The following FAT3 variants were observed in gnomAD, a reference collection of about 807,000 sequenced individuals.
FAT3 encodes protocadherin Fat 3.
In FAT3, 95 loss-of-function variants were observed where a neutral mutation model predicts 310.2. That is an observed-to-expected ratio of 0.31 (90% CI 0.26 to 0.36). The LOEUF is 0.36. Among genes scored for constraint, FAT3 ranks in the 10% least tolerant of loss-of-function variants. The pLI is 1.00. For missense variants in FAT3, 5,408 were observed against 5,715.6 expected (o/e 0.95, Z 1.74); for synonymous variants, 2,314 against 2,192.9 (o/e 1.06, Z -1.54).
In FAT3 at chr11:92,795,740, G is replaced by A. The variant is rs781754598; in HGVS notation, c.4823-2096G>A. 6.6e-5 allele frequency among the ~76,000 whole-genome samples: 10 copies of A among 151,924 alleles called. No individual in the cohort carries two copies. In the East Asian group the frequency reaches 9.7e-4, roughly 15 times the overall value. On this transcript the variant is annotated intron_variant, in intron 9 of 27. Transcript: ENST00000525166. ...AGCCTGACCAACGTGGCAAAACCCC[G>A]TCTCTACAAACATGAAAATTAGCCA...
At position 92,844,648 on chromosome 11, in the gene FAT3, T is replaced by C; in HGVS notation, c.11281T>C (p.Ser3761Pro). Reference sequence around the variant, plus strand: ...TTGTGAGCAAGGCTTGTCACTCGATTCCCACGCGCTCATGACCTACAGCAC... The same window carrying C: ...TTGTGAGCAAGGCTTGTCACTCGATCCCCACGCGCTCATGACCTACAGCAC... ...QHCEQGLSLD[S>P]HALMTYSTAR... Residue 3761 changes from serine (S) to proline (P), a missense_variant, in exon 19 of 28, where the codon TCC (serine) becomes CCC (proline). By Grantham distance (74) the Ser-to-Pro change is moderately conservative. Transcript: ENST00000525166. 4 of 1,609,734 alleles carry C rather than the reference T, an allele frequency of 2.5e-6. No individual in the cohort carries two copies. Among genetic ancestry groups the C allele is most frequent in the Non-Finnish European group, 3.4e-6 (4 of 1,177,858 alleles).
In FAT3 at chr11:92,778,566, C is replaced by T. The variant is rs1946653203; in HGVS notation, c.4335+4386C>T. ...AAAACAGTTTGAGTTCCTAAGAGGT[C>T]CTTGAAGCCCATGAACTTGTTAATA... On this transcript the variant is annotated intron_variant, in intron 7 of 27. Coordinates refer to ENST00000525166, the MANE Select transcript of FAT3 (RefSeq NM_001367949.2). 2.0e-5 allele frequency among the ~76,000 whole-genome samples: 3 copies of T among 152,130 alleles called. No homozygotes were observed. The South Asian group carries it at 6.2e-4, about 32-fold the overall frequency.
At chr11:92,581,184 C>T (rs548938863) in intron 3 of FAT3, among the ~76,000 whole-genome samples, 31 of 152,130 alleles carry the variant, frequency 2.0e-4, no homozygotes, top group South Asian at 6.2e-4. Flanking sequence ...ACTAGGGTTA[C>T]AGAGCTTTGC....
chr11:92,759,653 G>T (rs1161457854), intron 4 of FAT3, among the ~76,000 whole-genome samples: 1 of 152,100 alleles, frequency 6.6e-6, no homozygotes, highest in Non-Finnish European at 1.5e-5. Flanking sequence ...CCCGCTATGC[G>T]TAGCACTCCT....
At chr11:92,753,798 G>GTGTGTGTGTGTGTGTATATATATATA in intron 4 of FAT3, among the ~76,000 whole-genome samples, 1 of 119,116 alleles carries the variant, frequency 8.4e-6, no homozygotes, top group African/African-American at 3.9e-5. Flanking sequence ...GTGTGTGTGT[G>GTGTGTGTGTGTGTGTATATATATATA]TATATATATA....
chr11:92,526,818 A>G (rs1591403255), intron 3 of FAT3, among the ~76,000 whole-genome samples: 1 of 152,268 alleles, frequency 6.6e-6, no homozygotes, highest in Admixed American at 6.5e-5. Context: ...CAGGAATGAC[A>G]TTTTTGTCCA....
At chr11:92,613,212 C>T (rs917804629) in intron 3 of FAT3, among the ~76,000 whole-genome samples, 3 of 152,048 alleles carry the variant, frequency 2.0e-5, no homozygotes, top group African/African-American at 7.2e-5. Context: ...CTCCTTTGGT[C>T]GAGAAGACTT....
chr11:92,861,506 A>G (rs568270347), intron 21 of FAT3, among the ~76,000 whole-genome samples: 10 of 152,352 alleles, frequency 6.6e-5, no homozygotes, highest in African/African-American at 2.2e-4. Context: ...AAAGTTGTGT[A>G]AATTGAATCT....
chr11:92,641,753 A>G (rs1027831822), intron 3 of FAT3, among the ~76,000 whole-genome samples: 1 of 152,274 alleles, frequency 6.6e-6, no homozygotes, highest in Non-Finnish European at 1.5e-5. Flanking sequence ...TCCAAGGGCT[A>G]GAATAGATAT....
chr11:92,235,703 C>T (rs1008758190), intron 1 of FAT3, among the ~76,000 whole-genome samples: 3 of 152,282 alleles, frequency 2.0e-5, no homozygotes, highest in Admixed American at 2.0e-4. Flanking sequence ...AGATATATTA[C>T]TTCTGAGGTC....
intron 3 of FAT3, among the ~76,000 whole-genome samples, chr11:92,622,013 G>C (rs554735): frequency 0.56 from 85,297 of 151,968 alleles, 25,361 homozygotes; most frequent in African/African-American, 0.76. Flanking sequence ...TAAGTAGGTA[G>C]TCCATTGTAG....
intron 3 of FAT3, among the ~76,000 whole-genome samples, chr11:92,548,997 T>G (rs1954711191): frequency 6.6e-6 from 1 of 152,164 alleles, no homozygotes; most frequent in Non-Finnish European, 1.5e-5. Context: ...GTCAATTGAT[T>G]AAAAGCAGAA....
intron 22 of FAT3, among the ~76,000 whole-genome samples, chr11:92,875,594 T>A (rs1949512585): frequency 6.6e-6 from 1 of 152,058 alleles, no homozygotes; most frequent in South Asian, 2.1e-4. Flanking sequence ...AAGCCCTGAT[T>A]TGTAGCATTT....
intron 2 of FAT3, among the ~76,000 whole-genome samples, chr11:92,471,491 G>T (rs1313681432): frequency 6.6e-6 from 1 of 152,092 alleles, no homozygotes; most frequent in East Asian, 1.9e-4. Context: ...AAATTAAAAT[G>T]ACAAGAGCCA....
At chr11:92,827,118 C>G (rs868850332) in intron 13 of FAT3, among the ~76,000 whole-genome samples, 2 of 152,194 alleles carry the variant, frequency 1.3e-5, no homozygotes, top group South Asian at 4.1e-4. Flanking sequence ...GGATGATCCT[C>G]TCACTGGGGG....
At chr11:92,274,500 C>A (rs1946210376) in intron 1 of FAT3, among the ~76,000 whole-genome samples, 1 of 151,886 alleles carries the variant, frequency 6.6e-6, no homozygotes. Flanking sequence ...TTTTCTTGAC[C>A]ATTTCAGGTT....
chr11:92,557,007 C>A (rs545686867), intron 3 of FAT3, among the ~76,000 whole-genome samples: 2 of 152,162 alleles, frequency 1.3e-5, no homozygotes, highest in East Asian at 3.9e-4. Context: ...TCATTCATAT[C>A]TTGTTTTCAG....
chr11:92,267,043 G>T (rs1327530182), intron 1 of FAT3, among the ~76,000 whole-genome samples: 1 of 131,756 alleles, frequency 7.6e-6, no homozygotes, highest in Non-Finnish European at 1.6e-5. Context: ...TTGAGAGGCT[G>T]CCTGCCTGAC....
At chr11:92,571,731 G>T (rs568311032) in intron 3 of FAT3, among the ~76,000 whole-genome samples, 1 of 152,040 alleles carries the variant, frequency 6.6e-6, no homozygotes, top group Admixed American at 6.6e-5. Context: ...ATCTCCTTTA[G>T]CACTTAGCTC....
Sources: allele counts gnomAD v4.1 joint callset (sites outside exome capture counted in the v4.1 genomes callset), GRCh38; gene constraint gnomAD v4.1.1; transcripts MANE v1.5; gene names NCBI Gene and HGNC (gene_info 2026-07-23, HGNC 2026-07-21).